The following FLNB variants were observed in gnomAD, a reference collection of about 807,000 sequenced individuals.
The protein encoded by FLNB is filamin-B.
FLNB carries 111 observed loss-of-function variants against 250.6 expected under a neutral mutation model. That is an observed-to-expected ratio of 0.44 (90% CI 0.38 to 0.52). The LOEUF (loss-of-function observed/expected upper bound fraction) is 0.52, where lower values mean the gene tolerates loss of function less well. Among genes scored for constraint, FLNB ranks in the 20% least tolerant of loss-of-function variants. The pLI, the probability that FLNB is intolerant of heterozygous loss-of-function variation, is 0.00. For missense variants in FLNB, 2,869 were observed against 3,447.8 expected (o/e 0.83, Z 4.20); for synonymous variants, 1,302 against 1,372.1 (o/e 0.95, Z 1.13).
intron 1 of FLNB, among the ~76,000 whole-genome samples, chr3:58,014,099 A>G (rs1303093699): frequency 6.7e-6 from 1 of 150,318 alleles, no homozygotes; most frequent in African/African-American, 2.5e-5. Context: ...AGTTTATGGT[A>G]CATAGTAAGT....
At chr3:58,109,072 G>A (rs574647022) in intron 13 of FLNB, 107 bp from the exon 14 acceptor site, 163 of 1,357,534 alleles carry the variant, frequency 1.2e-4, no homozygotes, top group Non-Finnish European at 1.7e-4. Flanking sequence ...ATGAAGTTTT[G>A]TTGTATAAGC....
chr3:58,105,292 G>T lies in FLNB; in HGVS notation c.1747+76G>T, dbSNP rs554097083. The T allele has an allele frequency of 6.9e-6, 11 of 1,591,640 alleles. No homozygotes were observed. In the East Asian group the frequency reaches 2.0e-4, roughly 29 times the overall value. ...GCTTCCGGGCTGTGTCAGGCTGGATGTTGGGGCCTTGCCTAGCCTCAATAC... is the reference window on the plus strand; with the variant it reads ...GCTTCCGGGCTGTGTCAGGCTGGATTTTGGGGCCTTGCCTAGCCTCAATAC... On this transcript the variant is annotated intron_variant, in intron 11 of 45. Coordinates refer to ENST00000295956, the MANE Select transcript of FLNB (RefSeq NM_001457.4).
At chr3:58,045,329 T>C (rs2097152153) in intron 1 of FLNB, among the ~76,000 whole-genome samples, 1 of 152,182 alleles carries the variant, frequency 6.6e-6, no homozygotes, top group Admixed American at 6.5e-5. Context: ...CAATGCTGAG[T>C]ATGAGTTTGA....
At chr3:58,152,878 G>A (rs981333634) in intron 38 of FLNB, 3 of 454,624 alleles carry the variant, frequency 6.6e-6, no homozygotes, top group African/African-American at 2.0e-5. Flanking sequence ...GGAGAGTGAT[G>A]TGGTCTTGCG....
intron 18 of FLNB, among the ~76,000 whole-genome samples, chr3:58,117,913 T>A (rs1473387375): frequency 6.6e-6 from 1 of 152,138 alleles, no homozygotes; most frequent in Non-Finnish European, 1.5e-5. Flanking sequence ...CAGCAGGGCC[T>A]GCATTCCAGC....
At chr3:58,104,977 G>A in intron 10 of FLNB, 103 bp from the exon 11 acceptor site, 1 of 1,483,372 alleles carries the variant, frequency 6.7e-7, no homozygotes, top group East Asian at 2.3e-5. Flanking sequence ...CAGATGAAAG[G>A]ATCAGGCAAG....
chr3:58,087,075 C>T (rs1198244107), intron 4 of FLNB, among the ~76,000 whole-genome samples: 1 of 151,560 alleles, frequency 6.6e-6, no homozygotes, highest in Non-Finnish European at 1.5e-5. Context: ...GGCGCCACTG[C>T]ACTCCAGGCT....
chr3:58,134,723 C>A lies in FLNB; in HGVS notation c.4622C>A (p.Ala1541Glu). 1 of 1,614,124 alleles carries A rather than the reference C, an allele frequency of 6.2e-7. No homozygotes were observed. Among genetic ancestry groups the A allele is most frequent in the Non-Finnish European group, 8.5e-7 (1 of 1,179,966 alleles). Residue 1541 changes from alanine (A) to glutamate (E), a missense_variant, in exon 27 of 46, where the codon GCA becomes GAA. Coordinates refer to ENST00000295956, the MANE Select transcript of FLNB (RefSeq NM_001457.4). ...CCTGCCAGTCTACCTGTGGACTTTG[C>A]AATTGATGCCCGAGATGCCGGGGAA... The part of the protein sequence containing the change: ...GVPASLPVDF[A>E]IDARDAGEGL...
chr3:58,165,383 C>T (rs1238921218), intron 43 of FLNB: 1 of 152,268 alleles, frequency 6.6e-6, no homozygotes, highest in Non-Finnish European at 1.5e-5. Context: ...GCTTCAAACC[C>T]TGTGTAAATA....
At position 58,106,851 on chromosome 3, in the gene FLNB, C is replaced by T. The variant is rs62621999; in HGVS notation, c.1919C>T (p.Thr640Met). Residue 640 changes from threonine to methionine, a missense_variant, in exon 12 of 46, where the codon ACG (threonine) becomes ATG (methionine). Thr to Met is a moderately conservative substitution (Grantham distance 81). Coordinates refer to ENST00000295956, the MANE Select transcript of FLNB (RefSeq NM_001457.4). Reference protein sequence around the residue: ...SPYMAFIHPATGGYNPDLVRA... With the variant: ...SPYMAFIHPAMGGYNPDLVRA... ...TACATGGCCTTCATCCACCCAGCCA[C>T]GGGAGGCTACAACCCTGATCTGGTG... is the stretch of plus-strand genomic sequence containing the variant. 3,135 of 1,613,808 alleles carry T rather than the reference C, an allele frequency of 1.9e-3. 58 individuals carry two copies. In the African/African-American group the frequency reaches 0.032, roughly 16 times the overall value.
At chr3:58,032,418 T>G (rs1034770684) in intron 1 of FLNB, among the ~76,000 whole-genome samples, 4 of 152,210 alleles carry the variant, frequency 2.6e-5, no homozygotes, top group Non-Finnish European at 5.9e-5. Flanking sequence ...CTTCCTCTGT[T>G]GCTTGTGAAC....
At chr3:58,135,860 A>T in intron 27 of FLNB, 119 bp from the exon 28 acceptor site, 2 of 1,025,970 alleles carry the variant, frequency 1.9e-6, no homozygotes, top group Non-Finnish European at 3.0e-6. Context: ...AGATTGTATT[A>T]AGCCATCAAT....
chr3:58,028,234 C>G (rs1463088892), intron 1 of FLNB, among the ~76,000 whole-genome samples: 1 of 152,118 alleles, frequency 6.6e-6, no homozygotes, highest in Non-Finnish European at 1.5e-5. Context: ...TGTTCACTGA[C>G]TTCTGGTTGC....
chr3:58,127,295 C>T lies in FLNB; in HGVS notation c.4222+533C>T, dbSNP rs115047448. Among the ~76,000 whole-genome samples the T allele has an allele frequency of 8.4e-3, 1,249 of 148,840 alleles. 11 individuals carry two copies. The highest frequency in any genetic ancestry group is 0.014 in the South Asian group (67 of 4,712). ...GAGCTGAGATTGCGCCACTGCGCTC[C>T]AGCTTGGGTGACAGAGGAAGACCCT... On this transcript the variant is annotated intron_variant, in intron 24 of 45. Transcript: ENST00000295956.
At chr3:58,105,538 G>A (rs2097258247) in intron 11 of FLNB, among the ~76,000 whole-genome samples, 1 of 152,224 alleles carries the variant, frequency 6.6e-6, no homozygotes, top group Non-Finnish European at 1.5e-5. Context: ...GAATTTTGCT[G>A]AAATTTGGAT....
At chr3:58,020,045 A>AGG (rs748760440) in intron 1 of FLNB, among the ~76,000 whole-genome samples, 61 of 111,136 alleles carry the variant, frequency 5.5e-4, no homozygotes, top group South Asian at 1.5e-3. Flanking sequence ...ATGACACCAC[A>AGG]GGGGTGTGTG....
In FLNB at chr3:58,070,530, G is replaced by A. The variant is rs532890086; in HGVS notation, c.293-6516G>A. Among the ~76,000 whole-genome samples the A allele has an allele frequency of 9.7e-4, 147 of 152,230 alleles. 1 individual carries two copies. Among genetic ancestry groups the A allele is most frequent in the Non-Finnish European group, 5.6e-4 (38 of 68,018 alleles). ...AACCCCTCTACCATGTAGCCTCTCC[G>A]GGTGGTAGAGATGAGGGGGCAGAGT... On this transcript the variant is annotated intron_variant, in intron 1 of 45. Coordinates refer to ENST00000295956, the MANE Select transcript of FLNB (RefSeq NM_001457.4).
rs375494750 is a variant in FLNB at position 58,081,854 on chromosome 3, T to C, written c.787+78T>C. The C allele has an allele frequency of 1.3e-5, 19 of 1,512,610 alleles. 1 individual carries two copies. Among genetic ancestry groups the C allele is most frequent in the Admixed American group, 8.3e-5 (5 of 59,910 alleles). 93.7% of individuals were successfully genotyped at this position (1,512,610 alleles called of 1,614,324 possible). A position where few individuals can be genotyped will look rare whatever the true frequency, so the allele number is the denominator to read the frequency against. ...GATGATTTCATGGCTTCAAGAGTGA[T>C]GTTCTTAGAATCAAAAATAGATAGG... is the stretch of plus-strand genomic sequence containing the variant. On this transcript the variant is annotated intron_variant, in intron 4 of 45. Transcript: ENST00000295956.
chr3:58,074,323 A>C (rs370058405), intron 1 of FLNB, among the ~76,000 whole-genome samples: 2 of 152,198 alleles, frequency 1.3e-5, no homozygotes, highest in Non-Finnish European at 1.5e-5. Context: ...AATTTTGAGA[A>C]CCACTGGTCT....
Sources: allele counts gnomAD v4.1 joint callset (sites outside exome capture counted in the v4.1 genomes callset), GRCh38; gene constraint gnomAD v4.1.1; transcripts MANE v1.5; gene names NCBI Gene and HGNC (gene_info 2026-07-23, HGNC 2026-07-21).